Variants in VPS41 observed in about 807,000 individuals in gnomAD.
The protein encoded by VPS41 is VPS41 subunit of HOPS complex.
VPS41 carries 85 observed loss-of-function variants against 130.9 expected under a neutral mutation model. The ratio of observed to expected loss-of-function variants is 0.65; its 90% CI spans 0.55 to 0.78. The LOEUF (loss-of-function observed/expected upper bound fraction) is 0.78, where lower values mean the gene tolerates loss of function less well. VPS41 is among the 30% of genes least tolerant of loss of function. The pLI is 0.00. For missense variants in VPS41, 874 were observed against 1,018.7 expected (o/e 0.86, Z 1.93); for synonymous variants, 335 against 332.9 (o/e 1.01, Z -0.07).
chr7:38,904,341 T>C (rs536255135), intron 1 of VPS41, among the ~76,000 whole-genome samples: 6 of 152,314 alleles, frequency 3.9e-5, no homozygotes, highest in Admixed American at 1.3e-4. Context: ...AGCAATCCGC[T>C]AGTCCAGCAA....
intron 2 of VPS41, among the ~76,000 whole-genome samples, chr7:38,891,180 T>C (rs1786858736): frequency 6.6e-6 from 1 of 152,206 alleles, no homozygotes; most frequent in African/African-American, 2.4e-5. Flanking sequence ...CATTTCATTC[T>C]GGGTTCCATA....
intron 13 of VPS41, 61 bp from the exon 14 acceptor site, chr7:38,771,315 A>T: frequency 8.0e-7 from 1 of 1,242,750 alleles, no homozygotes; most frequent in South Asian, 1.3e-5. Context: ...AGGGAGGGAA[A>T]ATGGGAGAAG....
chr7:38,798,994 C>A (rs1353778643), intron 7 of VPS41, among the ~76,000 whole-genome samples: 2 of 152,056 alleles, frequency 1.3e-5, no homozygotes, highest in African/African-American at 2.4e-5. Flanking sequence ...CCACAACACC[C>A]CCTACACTCA....
intron 3 of VPS41, among the ~76,000 whole-genome samples, chr7:38,863,780 T>C (rs1786170424): frequency 6.6e-6 from 1 of 152,176 alleles, no homozygotes; most frequent in Non-Finnish European, 1.5e-5. Context: ...TGCACAGGCC[T>C]GCCTGAATGC....
intron 7 of VPS41, among the ~76,000 whole-genome samples, chr7:38,804,917 T>C (rs1014361134): frequency 6.6e-6 from 1 of 152,240 alleles, no homozygotes; most frequent in African/African-American, 2.4e-5. Context: ...TGGCTGTTCA[T>C]ACCAAACACG....
At chr7:38,782,786 G>T (rs1295349080) in intron 10 of VPS41, among the ~76,000 whole-genome samples, 1 of 152,144 alleles carries the variant, frequency 6.6e-6, no homozygotes, top group Non-Finnish European at 1.5e-5. Flanking sequence ...CATTCCTTGG[G>T]TCTCATAATC....
chr7:38,773,495 T>C (rs1784194688), intron 12 of VPS41, among the ~76,000 whole-genome samples: 2 of 152,324 alleles, frequency 1.3e-5, no homozygotes, highest in South Asian at 4.1e-4. Context: ...GTGTTTAAAG[T>C]AGTACAGCAT....
chr7:38,858,682 G>GCACAA (rs1243720895), intron 4 of VPS41, among the ~76,000 whole-genome samples: 1 of 152,142 alleles, frequency 6.6e-6, no homozygotes, highest in East Asian at 1.9e-4. Flanking sequence ...TAACAGCACA[G>GCACAA]CACAACATGT....
chr7:38,906,944 C>A (rs1787281304), intron 1 of VPS41, among the ~76,000 whole-genome samples: 1 of 152,002 alleles, frequency 6.6e-6, no homozygotes, highest in African/African-American at 2.4e-5. Context: ...ATTTGTTTAT[C>A]AGTAAAAGTC....
intron 22 of VPS41, among the ~76,000 whole-genome samples, chr7:38,748,536 C>T (rs1165347071): frequency 6.6e-6 from 1 of 150,656 alleles, no homozygotes; most frequent in African/African-American, 2.4e-5. Context: ...ATACTGCCAC[C>T]TTGTGAATAC....
At chr7:38,786,190 G>GGCACACCTAAGTGCAA (rs1784433636) in intron 10 of VPS41, among the ~76,000 whole-genome samples, 1 of 152,140 alleles carries the variant, frequency 6.6e-6, no homozygotes, top group African/African-American at 2.4e-5. Flanking sequence ...TTTACGGCTA[G>GGCACACCTAAGTGCAA]GCACACCTAA....
intron 1 of VPS41, among the ~76,000 whole-genome samples, chr7:38,903,663 TTCTGATATAGGCACTG>T (rs1286180643): frequency 6.6e-6 from 1 of 152,044 alleles, no homozygotes; most frequent in African/African-American, 2.4e-5. Flanking sequence ...AGAAAGAGAG[TTCTGATATAGGCACTG>T]TCTGATATAG....
intron 2 of VPS41, among the ~76,000 whole-genome samples, chr7:38,869,903 C>T (rs570986792): frequency 6.6e-6 from 1 of 152,100 alleles, no homozygotes; most frequent in African/African-American, 2.4e-5. Context: ...GTGCTCCCAC[C>T]ACAAATAACC....
At chr7:38,820,794 C>T (rs1785153983) in intron 6 of VPS41, among the ~76,000 whole-genome samples, 1 of 152,208 alleles carries the variant, frequency 6.6e-6, no homozygotes, top group Non-Finnish European at 1.5e-5. Flanking sequence ...ATCAGTCCTT[C>T]TCCATTTATT....
At chr7:38,881,097 G>A (rs1287326473) in intron 2 of VPS41, among the ~76,000 whole-genome samples, 1 of 152,144 alleles carries the variant, frequency 6.6e-6, no homozygotes, top group Non-Finnish European at 1.5e-5. Flanking sequence ...AAACTTAGTA[G>A]TATGAAGCGA....
intron 7 of VPS41, among the ~76,000 whole-genome samples, chr7:38,816,158 T>G (rs1315433812): frequency 6.6e-6 from 1 of 152,208 alleles, no homozygotes; most frequent in Non-Finnish European, 1.5e-5. Context: ...AGCTAGAGAA[T>G]GTGAGATTAG....
At chr7:38,750,984 G>A (rs1266270981) in intron 22 of VPS41, among the ~76,000 whole-genome samples, 1 of 152,236 alleles carries the variant, frequency 6.6e-6, no homozygotes, top group Non-Finnish European at 1.5e-5. Flanking sequence ...CCTATGTTGA[G>A]AGAAGAGGGT....
intron 3 of VPS41, among the ~76,000 whole-genome samples, chr7:38,865,805 G>C (rs1442859118): frequency 6.6e-6 from 1 of 152,092 alleles, no homozygotes; most frequent in African/African-American, 2.4e-5. Context: ...AGGTTGGAAA[G>C]GTCAGCTAAT....
At chr7:38,813,559 TA>T (rs1172678770) in intron 7 of VPS41, among the ~76,000 whole-genome samples, 1 of 152,076 alleles carries the variant, frequency 6.6e-6, no homozygotes, top group African/African-American at 2.4e-5. Context: ...TTAAAACAGC[TA>T]AAAAAATAAT....
Sources: allele counts gnomAD v4.1 joint callset (sites outside exome capture counted in the v4.1 genomes callset), GRCh38; gene constraint gnomAD v4.1.1; transcripts MANE v1.5; gene names NCBI Gene and HGNC (gene_info 2026-07-23, HGNC 2026-07-21).